The following LMBRD2 variants were observed in gnomAD, a reference collection of about 807,000 sequenced individuals.
The protein encoded by LMBRD2 is G protein-coupled receptor-associated protein LMBRD2.
In LMBRD2, 55 loss-of-function variants were observed where a neutral mutation model predicts 94.4. That is an observed-to-expected ratio of 0.58 (90% confidence interval 0.47 to 0.73). LMBRD2 has a LOEUF of 0.73. Ranked by LOEUF, LMBRD2 falls within the 30% of genes least tolerant of loss-of-function variation. The pLI is 0.00. For synonymous variants in LMBRD2, 246 were observed against 272.4 expected (o/e 0.90, Z 0.95); for missense variants, 640 against 831.9 (o/e 0.77, Z 2.84).
chr5:36,111,074 A>T (rs1472624455), intron 14 of LMBRD2, 81 bp downstream of exon 14: 8 of 839,322 alleles, frequency 9.5e-6, no homozygotes, highest in Non-Finnish European at 1.3e-5. Context: ...AATATTCACA[A>T]ACTACACAAA....
In LMBRD2 at chr5:36,142,587, G is replaced by T. The variant is rs780162224; in HGVS notation, c.187C>A (p.Arg63=). ...PLDVSTTIYN[R]CKHAAANSSP... ...GAATTTGCAGCAGCATGCTTGCACC[G>T]GTTGTATATTGTCTAAAGCAACGAA... Residue 63 remains arginine (R), a synonymous_variant, in exon 3 of 18, where the codon CGG becomes AGG. Transcript: ENST00000296603. 3.1e-6 allele frequency: 5 copies of T among 1,603,720 alleles called. No homozygotes were observed. In the East Asian group the frequency reaches 6.7e-5, roughly 21 times the overall value.
chr5:36,107,367 A>T (rs1002706961), intron 16 of LMBRD2, among the ~76,000 whole-genome samples: 29 of 142,828 alleles, frequency 2.0e-4, no homozygotes, highest in African/African-American at 8.9e-4. Flanking sequence ...TCACTATTTT[A>T]TGTTTTGAAA....
Position 36,122,267 on chromosome 5 carries a change from T to A in LMBRD2, c.1120+13A>T, listed in dbSNP as rs1378152102. On this transcript the variant is annotated intron_variant, in intron 9 of 17. Coordinates refer to ENST00000296603, the MANE Select transcript of LMBRD2 (RefSeq NM_001007527.2). ...TCATCATTAAAGTTTGAAATTTATA[T>A]CAAATTACATACCAAATGTAGGATT... 6.5e-7 allele frequency: 1 copy of A among 1,542,640 alleles called. No individual in the cohort carries two copies. Among genetic ancestry groups the A allele is most frequent in the Non-Finnish European group, 8.7e-7 (1 of 1,144,918 alleles).
rs531688104 is a variant in LMBRD2 at position 36,127,374 on chromosome 5, G to T, written c.748-3109C>A. Among the ~76,000 whole-genome samples the T allele has an allele frequency of 3.3e-5, 5 of 152,216 alleles. No homozygotes were observed. In the East Asian group the frequency reaches 9.7e-4, roughly 29 times the overall value. On this transcript the variant is annotated intron_variant, in intron 6 of 17. Coordinates refer to ENST00000296603, the MANE Select transcript of LMBRD2 (RefSeq NM_001007527.2). ...CCTCCTCACAGGAACACCAAATTAA[G>T]CAACTATCCACACAAAAAAGTGCCT...
rs761859266 is a variant in LMBRD2 at position 36,116,547 on chromosome 5, G to C, written c.1349C>G (p.Ser450Cys). Residue 450 changes from serine to cysteine, a missense_variant, in exon 11 of 18, where the codon TCT becomes TGT. Transcript: ENST00000296603. ...AAATACACGAATCCTGAACACAGTA[G>C]AATAAACACAGATACTTAGGAAGAA... Reference protein sequence around the residue: ...SIFFLSICVYSTVFRIRVFNY... With the variant: ...SIFFLSICVYCTVFRIRVFNY... 1.2e-6 allele frequency: 2 copies of C among 1,613,356 alleles called. No homozygotes were observed. The highest frequency in any genetic ancestry group is 1.7e-6 in the Non-Finnish European group (2 of 1,179,458).
At position 36,143,250 on chromosome 5, in the gene LMBRD2, C is replaced by T; in HGVS notation, c.100G>A (p.Val34Met). 1.2e-6 allele frequency: 2 copies of T among 1,612,652 alleles called. No individual in the cohort carries two copies. The highest frequency in any genetic ancestry group is 1.7e-6 in the Non-Finnish European group (2 of 1,178,770). Residue 34 changes from valine to methionine, a missense_variant, in exon 2 of 18, where the codon GTG becomes ATG. By Grantham distance (21) the Val-to-Met change is conservative. Around this residue, in one of 2 missense-constraint regions of LMBRD2, gnomAD observed 457 missense variants for 642.8 expected, o/e 0.71. Transcript: ENST00000296603. ...YGDFKKQHRL[V>M]IIGTLLAWYL... Reference sequence around the variant, plus strand: ...CAAGCAAGCAGTGTTCCAATAATCACAAGTCTATGCTGTTTCTTAAAGTCT... The same window carrying T: ...CAAGCAAGCAGTGTTCCAATAATCATAAGTCTATGCTGTTTCTTAAAGTCT...
At chr5:36,123,462 C>T (rs1743933858) in intron 7 of LMBRD2, among the ~76,000 whole-genome samples, 1 of 151,920 alleles carries the variant, frequency 6.6e-6, no homozygotes, top group South Asian at 2.1e-4. Context: ...CAAAAAGTAG[C>T]AAATGTGAGA....
intron 6 of LMBRD2, among the ~76,000 whole-genome samples, chr5:36,132,096 G>A (rs1744168097): frequency 1.3e-5 from 2 of 151,936 alleles, no homozygotes; most frequent in Non-Finnish European, 2.9e-5. Flanking sequence ...AAACAGCATG[G>A]TGTTAGGATA....
At chr5:36,137,536 G>A (rs1384689313) in intron 4 of LMBRD2, 95 bp from the exon 5 acceptor site, 5 of 679,574 alleles carry the variant, frequency 7.4e-6, no homozygotes, top group South Asian at 3.0e-5. Flanking sequence ...CAATTTTAAT[G>A]AATAGGTCTT....
In LMBRD2 at chr5:36,101,455, A is replaced by G. The variant is rs1237107303; in HGVS notation, c.*2591T>C. 2 of 152,036 alleles carry G rather than the reference A, an allele frequency of 1.3e-5. No individual in the cohort carries two copies. The highest frequency in any genetic ancestry group is 1.5e-5 in the Non-Finnish European group (1 of 67,888). The allele number at this position is 152,036 out of a possible 1,614,324, so 9.4% of individuals were successfully genotyped here. The stretch of plus-strand genomic sequence containing the variant: ...AAATTACCAGAAATAATTCTTTAAG[A>G]AATGTACTTTGCATGTAAAGTATAT... On this transcript the variant is annotated 3_prime_UTR_variant, in exon 18 of 18. Transcript: ENST00000296603.
At chr5:36,115,424 C>T (rs926066677) in intron 11 of LMBRD2, among the ~76,000 whole-genome samples, 8 of 152,062 alleles carry the variant, frequency 5.3e-5, no homozygotes, top group Admixed American at 1.3e-4. Flanking sequence ...CTAAGCCATC[C>T]GTAAAATCCA....
rs374276325 is a variant in LMBRD2, at chr5:36,117,899, G to A, written c.1138C>T (p.Leu380Phe). The change falls in exon 10 of 18, where the codon CTT (leucine) becomes TTT (phenylalanine). Residue 380 changes from leucine (L) to phenylalanine (F), a missense_variant. Coordinates refer to ENST00000296603, the MANE Select transcript of LMBRD2 (RefSeq NM_001007527.2). ...NPTFEWYWEC[L>F]LRPWFYKILA... ...ATCTTGTAAAACCATGGTCGCAAAA[G>A]ACATTCCCAGTACCATTCTAGAAGA... is the stretch of plus-strand genomic sequence containing the variant. 1.9e-6 allele frequency: 3 copies of A among 1,610,720 alleles called. No homozygotes were observed. In the African/African-American group the frequency reaches 4.0e-5, roughly 22 times the overall value.
chr5:36,133,129 G>T (rs1276495293), intron 6 of LMBRD2, among the ~76,000 whole-genome samples: 1 of 151,970 alleles, frequency 6.6e-6, no homozygotes, highest in African/African-American at 2.4e-5. Context: ...ACTCACAATA[G>T]CCAAGATTTG....
Position 36,124,222 on chromosome 5 carries a change from A to C in LMBRD2, c.791T>G (p.Leu264Trp), listed in dbSNP as rs1335311726. Residue 264 changes from leucine (L) to tryptophan (W), a missense_variant, in exon 7 of 18, where the codon TTG (leucine) becomes TGG (tryptophan). Leu to Trp is a moderately conservative substitution (Grantham distance 61). Transcript: ENST00000296603. ...AAGTATTGTATCAACACATTTTCTC[A>C]ATGGGTGATTATACTTGATGCTTTC... ...VNESIKYNHP[L>W]RKCVDTILKK... 2.5e-6 allele frequency: 4 copies of C among 1,590,862 alleles called. No homozygotes were observed. In the Middle Eastern group the frequency reaches 6.7e-4, roughly 265 times the overall value.
intron 6 of LMBRD2, among the ~76,000 whole-genome samples, chr5:36,127,544 A>T (rs964358814): frequency 6.6e-6 from 1 of 152,212 alleles, no homozygotes; most frequent in African/African-American, 2.4e-5. Context: ...CAGTGCCCTG[A>T]AGGGAAAGTC....
At chr5:36,137,591 A>G (rs1390098463) in intron 4 of LMBRD2, 150 bp from the exon 5 acceptor site, 2 of 485,066 alleles carry the variant, frequency 4.1e-6, no homozygotes, top group African/African-American at 1.9e-5. Flanking sequence ...CTTAATAACT[A>G]TAATAGATGA....
chr5:36,119,380 T>C (rs1743834210), intron 9 of LMBRD2, among the ~76,000 whole-genome samples: 1 of 149,390 alleles, frequency 6.7e-6, no homozygotes, highest in Non-Finnish European at 1.5e-5. Context: ...TAACTGACCA[T>C]ACCTGGATGA....
chr5:36,121,310 T>A (rs1743882480), intron 9 of LMBRD2, among the ~76,000 whole-genome samples: 1 of 152,194 alleles, frequency 6.6e-6, no homozygotes, highest in Admixed American at 6.5e-5. Context: ...GGATTTTTGT[T>A]AAAGGAGTTT....
chr5:36,112,608 G>A (rs1743638632), intron 13 of LMBRD2, among the ~76,000 whole-genome samples: 1 of 151,884 alleles, frequency 6.6e-6, no homozygotes, highest in African/African-American at 2.4e-5. Flanking sequence ...TTCCCTTAAA[G>A]ATAAAATGGC....
Sources: gnomAD v4.1 joint callset for allele counts (sites outside exome capture counted in the v4.1 genomes callset) on GRCh38, gnomAD v4.1.1 for gene constraint, gnomAD v4.1.1 regional missense constraint, MANE v1.5 for transcripts, NCBI Gene and HGNC (gene_info 2026-07-23, HGNC 2026-07-21) for gene names.